The following COL8A1 variants were observed in gnomAD, a reference collection of about 807,000 sequenced individuals.
COL8A1 encodes the protein collagen type VIII alpha 1 chain, also known as collagen alpha-1(VIII) chain.
A neutral mutation model predicts 42.7 loss-of-function variants in COL8A1; 21 were observed. The ratio of observed to expected loss-of-function variants is 0.49; its 90% CI spans 0.35 to 0.71. The LOEUF (loss-of-function observed/expected upper bound fraction) is 0.71. COL8A1 is among the 30% of genes least tolerant of loss of function. The probability of loss-of-function intolerance (pLI) is 0.01; values close to 1 mark genes in which losing one functional copy is unlikely to be tolerated. For synonymous variants in COL8A1, 367 were observed against 369.1 expected (o/e 0.99, Z 0.06); for missense variants, 788 against 962.4 (o/e 0.82, Z 2.40).
At chr3:99,748,601 T>C (rs1349236488) in intron 2 of COL8A1, among the ~76,000 whole-genome samples, 1 of 152,222 alleles carries the variant, frequency 6.6e-6, no homozygotes, top group Non-Finnish European at 1.5e-5. Context: ...ACTCACATTG[T>C]CCCTATGCGA....
In COL8A1 at chr3:99,794,220, T is replaced by A; in HGVS notation, c.329-10T>A. The A allele has an allele frequency of 6.5e-7, 1 of 1,535,778 alleles. No homozygotes were observed. The highest frequency in any genetic ancestry group is 2.3e-5 in the East Asian group (1 of 44,228). ...CCCCATACCCCTTCTCTCTCTTCTC[T>A]TCCCAGTAGAAATACCATTAGCCAG... On this transcript the variant is annotated splice_polypyrimidine_tract_variant and intron_variant, in intron 3 of 3. Transcript: ENST00000652472. The surrounding 1 kb of genome is among the most constrained non-coding windows in gnomAD (Gnocchi z 4.3).
At chr3:99,756,039 C>T (rs566743679) in intron 2 of COL8A1, among the ~76,000 whole-genome samples, 3 of 152,036 alleles carry the variant, frequency 2.0e-5, no homozygotes, top group South Asian at 2.1e-4. Flanking sequence ...AAAACATGAT[C>T]GGTGCCCAGT....
At chr3:99,658,394 G>A (rs1317926290) in intron 1 of COL8A1, among the ~76,000 whole-genome samples, 3 of 152,234 alleles carry the variant, frequency 2.0e-5, no homozygotes, top group East Asian at 1.9e-4. Flanking sequence ...AACTCCCCAA[G>A]CATTCCCAGA....
chr3:99,795,675 A>G lies in COL8A1; in HGVS notation c.1774A>G (p.Ile592Val), dbSNP rs763369239. 1 of 1,613,890 alleles carries G rather than the reference A, an allele frequency of 6.2e-7. No individual in the cohort carries two copies. The highest frequency in any genetic ancestry group is 8.5e-7 in the Non-Finnish European group (1 of 1,179,962). Reference sequence around the variant, plus strand: ...GTATCTGCCAGATATGGGGCTGGGAATTGATGGCGTGAAACCCCCCCATGC... The same window carrying G: ...GTATCTGCCAGATATGGGGCTGGGAGTTGATGGCGTGAAACCCCCCCATGC... ...GEYLPDMGLG[I>V]DGVKPPHAYG... The change falls in exon 4 of 4, where the codon ATT (isoleucine) becomes GTT (valine). Residue 592 changes from isoleucine (I) to valine (V), a missense_variant. This residue lies in a region of COL8A1 where 212 missense variants were observed against 210.9 expected (regional missense o/e 1.00). Transcript: ENST00000652472.
chr3:99,749,108 T>C (rs554337861), intron 2 of COL8A1, among the ~76,000 whole-genome samples: 1 of 152,206 alleles, frequency 6.6e-6, no homozygotes, highest in Non-Finnish European at 1.5e-5. Flanking sequence ...AGCTTATTTC[T>C]GTTATGGAAC....
chr3:99,735,489 C>A (rs1433714468), intron 1 of COL8A1, among the ~76,000 whole-genome samples: 1 of 144,666 alleles, frequency 6.9e-6, no homozygotes, highest in Non-Finnish European at 1.5e-5. Context: ...CCTTGCATCT[C>A]AGGGATGAAG....
intron 2 of COL8A1, among the ~76,000 whole-genome samples, chr3:99,785,546 G>A (rs1941877580): frequency 6.6e-6 from 1 of 152,194 alleles, no homozygotes; most frequent in Non-Finnish European, 1.5e-5. Flanking sequence ...GAGGAAAGAA[G>A]GTGTTATGGG....
intron 2 of COL8A1, among the ~76,000 whole-genome samples, chr3:99,774,475 T>C (rs1559632914): frequency 6.6e-6 from 1 of 152,094 alleles, no homozygotes; most frequent in Non-Finnish European, 1.5e-5. Context: ...GATATTAAAA[T>C]AAGTTTGTTT....
At chr3:99,789,687 T>C (rs1299405185) in intron 2 of COL8A1, among the ~76,000 whole-genome samples, 1 of 152,224 alleles carries the variant, frequency 6.6e-6, no homozygotes, top group African/African-American at 2.4e-5. Flanking sequence ...TTCTGTTTAC[T>C]GCTAATTTGT....
At chr3:99,731,585 T>A (rs1355705734) in intron 1 of COL8A1, among the ~76,000 whole-genome samples, 1 of 152,098 alleles carries the variant, frequency 6.6e-6, no homozygotes, top group Non-Finnish European at 1.5e-5. Flanking sequence ...AATGCCATGA[T>A]CTGATCTACA....
At chr3:99,694,122 CA>C (rs1939301290) in intron 1 of COL8A1, among the ~76,000 whole-genome samples, 1 of 152,132 alleles carries the variant, frequency 6.6e-6, no homozygotes, top group African/African-American at 2.4e-5. Context: ...CACACAGTGA[CA>C]AAACTGCCTA....
At position 99,791,030 on chromosome 3, in the gene COL8A1, C is replaced by A; in HGVS notation, c.328+20C>A. On this transcript the variant is annotated intron_variant, in intron 3 of 3. Coordinates refer to ENST00000652472, the MANE Select transcript of COL8A1 (RefSeq NM_020351.4). ...GCAAAGGTAACATCATACTCCCAGG[C>A]TGTTATAAAACAACAGCTTTCCAAA... 1 of 1,583,310 alleles carries A rather than the reference C, an allele frequency of 6.3e-7. No individual in the cohort carries two copies. The highest frequency in any genetic ancestry group is 1.1e-5 in the South Asian group (1 of 88,444).
intron 1 of COL8A1, among the ~76,000 whole-genome samples, chr3:99,741,428 A>G (rs1003198149): frequency 1.3e-5 from 2 of 152,204 alleles, no homozygotes; most frequent in Non-Finnish European, 2.9e-5. Flanking sequence ...GGTATGCTCC[A>G]GCTATCTTTG....
chr3:99,711,231 G>A (rs559836972), intron 1 of COL8A1, among the ~76,000 whole-genome samples: 1 of 152,152 alleles, frequency 6.6e-6, no homozygotes, highest in East Asian at 1.9e-4. Flanking sequence ...CAATTTGAAA[G>A]CCTCAGACTT....
chr3:99,674,420 G>A (rs1938631471), intron 1 of COL8A1, among the ~76,000 whole-genome samples: 1 of 151,092 alleles, frequency 6.6e-6, no homozygotes, highest in African/African-American at 2.4e-5. Flanking sequence ...ATACCTTTGA[G>A]ATAAAGTGTA....
intron 1 of COL8A1, among the ~76,000 whole-genome samples, chr3:99,672,120 T>C (rs1054452327): frequency 2.0e-5 from 3 of 151,984 alleles, no homozygotes; most frequent in African/African-American, 7.2e-5. Flanking sequence ...CCTGAAGGGC[T>C]CCACAGGGGC....
At chr3:99,766,431 T>C (rs1325918437) in intron 2 of COL8A1, among the ~76,000 whole-genome samples, 1 of 152,190 alleles carries the variant, frequency 6.6e-6, no homozygotes, top group Non-Finnish European at 1.5e-5. Context: ...TCCATGCACT[T>C]AAGGCTGGGA....
intron 1 of COL8A1, among the ~76,000 whole-genome samples, chr3:99,674,646 C>G (rs1176937189): frequency 2.6e-5 from 4 of 152,014 alleles, no homozygotes; most frequent in Admixed American, 2.6e-4. Context: ...GAAATTGTCC[C>G]TGGCAAACAC....
chr3:99,730,652 TCC>T (rs767787282), intron 1 of COL8A1, among the ~76,000 whole-genome samples: 51 of 152,178 alleles, frequency 3.4e-4, no homozygotes, highest in Non-Finnish European at 5.6e-4. Context: ...TAAGACTTGT[TCC>T]TTACTCAGTA....
Sources: allele counts gnomAD v4.1 joint callset (sites outside exome capture counted in the v4.1 genomes callset), GRCh38; gene constraint gnomAD v4.1.1; regional missense constraint gnomAD v4.1.1; non-coding constraint Gnocchi (gnomAD v3.1); transcripts MANE v1.5; gene names NCBI Gene and HGNC (gene_info 2026-07-23, HGNC 2026-07-21).